Variants in PKNOX2 observed in about 807,000 individuals in gnomAD.
The protein encoded by PKNOX2 is homeobox protein PKNOX2.
A neutral mutation model predicts 53.1 loss-of-function variants in PKNOX2; 14 were observed. That is an observed-to-expected ratio of 0.26 (90% confidence interval 0.17 to 0.41). The LOEUF is 0.41. Among genes scored for constraint, PKNOX2 ranks in the 10% least tolerant of loss-of-function variants. The pLI is 1.00. For synonymous variants in PKNOX2, 257 were observed against 242.8 expected, an observed-to-expected ratio of 1.06 and a Z score of -0.54; for missense variants, 496 against 602.8, an observed-to-expected ratio of 0.82 and a Z score of 1.85.
chr11:125,202,965 A>G (rs7938677), intron 1 of PKNOX2, among the ~76,000 whole-genome samples: 34,112 of 152,086 alleles, frequency 0.22, 4,164 homozygotes, highest in African/African-American at 0.33. Flanking sequence ...TATGGCCCTC[A>G]GAATAGAATT....
chr11:125,277,949 G>A (rs1227843164), intron 2 of PKNOX2, among the ~76,000 whole-genome samples: 3 of 152,102 alleles, frequency 2.0e-5, no homozygotes, highest in Non-Finnish European at 4.4e-5. Context: ...GGGTGTAGTT[G>A]CTCATGCCTA....
chr11:125,212,070 C>T (rs1045659158), intron 1 of PKNOX2, among the ~76,000 whole-genome samples: 1 of 152,116 alleles, frequency 6.6e-6, no homozygotes, highest in Admixed American at 6.5e-5. Context: ...CTCCAGCCCT[C>T]GCAATCCTTT....
intron 2 of PKNOX2, among the ~76,000 whole-genome samples, chr11:125,309,086 C>T (rs912425344): frequency 3.3e-5 from 5 of 151,470 alleles, no homozygotes; most frequent in Non-Finnish European, 4.4e-5. Flanking sequence ...CACCAGTCTG[C>T]AGTCATCTTG....
chr11:125,314,290 C>T (rs1264031016), intron 2 of PKNOX2, among the ~76,000 whole-genome samples: 11 of 152,092 alleles, frequency 7.2e-5, no homozygotes, highest in Non-Finnish European at 1.0e-4. Context: ...GCCCTCACTG[C>T]GACATCACTT....
At chr11:125,296,077 A>G (rs1445720931) in intron 2 of PKNOX2, among the ~76,000 whole-genome samples, 2 of 152,016 alleles carry the variant, frequency 1.3e-5, no homozygotes, top group African/African-American at 4.8e-5. Flanking sequence ...CGCCAGACTC[A>G]GCTTATTTCC....
intron 2 of PKNOX2, among the ~76,000 whole-genome samples, chr11:125,243,105 T>C (rs888968978): frequency 2.6e-5 from 4 of 152,254 alleles, no homozygotes; most frequent in African/African-American, 9.6e-5. Context: ...TATAAAGCAC[T>C]GCACAAATAT....
chr11:125,241,862 C>T (rs1368963508), intron 2 of PKNOX2, among the ~76,000 whole-genome samples: 1 of 151,902 alleles, frequency 6.6e-6, no homozygotes, highest in South Asian at 2.1e-4. Context: ...CAAAAAACAA[C>T]AACAAAACAA....
chr11:125,253,569 C>T lies in PKNOX2; in HGVS notation c.-130+18454C>T, dbSNP rs76675657. Among the ~76,000 whole-genome samples the T allele has an allele frequency of 0.011, 1,726 of 152,240 alleles. 181 individuals are homozygous for T. In the East Asian group the frequency reaches 0.23, roughly 21 times the overall value. On this transcript the variant is annotated intron_variant, in intron 2 of 12. Coordinates refer to ENST00000298282, the MANE Select transcript of PKNOX2 (RefSeq NM_001382323.2). ...CTAGGACTTCCTTCCTCCCTGGTTC[C>T]CAGACTTCATACATTTCTCAGTGAT...
intron 7 of PKNOX2, among the ~76,000 whole-genome samples, chr11:125,408,980 G>A (rs777998308): frequency 1.8e-4 from 28 of 152,034 alleles, no homozygotes; most frequent in Non-Finnish European, 3.8e-4. Flanking sequence ...TGCAGTTCAC[G>A]CCTTACGATT....
At chr11:125,266,347 C>T (rs899471710) in intron 2 of PKNOX2, among the ~76,000 whole-genome samples, 1 of 152,140 alleles carries the variant, frequency 6.6e-6, no homozygotes, top group Non-Finnish European at 1.5e-5. Flanking sequence ...CAAGAAGATG[C>T]CTCTGAGATG....
intron 5 of PKNOX2, among the ~76,000 whole-genome samples, chr11:125,372,544 G>C (rs939332925): frequency 6.6e-6 from 1 of 152,154 alleles, no homozygotes; most frequent in Non-Finnish European, 1.5e-5. Flanking sequence ...CACCTGGTGT[G>C]GATAGGTGTT....
chr11:125,184,764 T>G (rs2135298118), intron 1 of PKNOX2, among the ~76,000 whole-genome samples: 1 of 152,332 alleles, frequency 6.6e-6, no homozygotes, highest in South Asian at 2.1e-4. Context: ...GGAGGCTGGC[T>G]AGGCTGGCAT....
Position 125,351,372 on chromosome 11 carries a change from C to A in PKNOX2, c.67C>A (p.Pro23Thr). ...MMATQNVPPP[P>T]YQDSPQMTAT... ...GGCCACGCAGAATGTCCCGCCCCCA[C>A]CCTACCAGGACAGCCCACAGGTGAG... The change falls in exon 4 of 13, where the codon CCC (proline) becomes ACC (threonine). Residue 23 changes from proline to threonine, a missense_variant. By Grantham distance (38) the Pro-to-Thr change is conservative. Coordinates refer to ENST00000298282, the MANE Select transcript of PKNOX2 (RefSeq NM_001382323.2). 2 of 1,604,040 alleles carry A rather than the reference C, an allele frequency of 1.2e-6. No individual in the cohort carries two copies. The highest frequency in any genetic ancestry group is 2.7e-5 in the African/African-American group (2 of 74,890).
At chr11:125,213,176 T>C (rs1291468226) in intron 1 of PKNOX2, among the ~76,000 whole-genome samples, 1 of 152,102 alleles carries the variant, frequency 6.6e-6, no homozygotes, top group African/African-American at 2.4e-5. Flanking sequence ...TATCATCCTT[T>C]GTGGCGTCCC....
At chr11:125,305,435 C>T (rs552367138) in intron 2 of PKNOX2, among the ~76,000 whole-genome samples, 2 of 152,322 alleles carry the variant, frequency 1.3e-5, no homozygotes, top group South Asian at 2.1e-4. Context: ...TCCCTGAACC[C>T]CTTCATGCTT....
chr11:125,286,860 G>A (rs1368237003), intron 2 of PKNOX2, among the ~76,000 whole-genome samples: 1 of 152,244 alleles, frequency 6.6e-6, no homozygotes, highest in African/African-American at 2.4e-5. Context: ...GTCAGAATGT[G>A]CAGGGAAGAA....
chr11:125,197,512 G>C (rs1937862149), intron 1 of PKNOX2, among the ~76,000 whole-genome samples: 1 of 152,182 alleles, frequency 6.6e-6, no homozygotes, highest in Non-Finnish European at 1.5e-5. Flanking sequence ...CTGCCTAAGA[G>C]AGGCTCTGCC....
At chr11:125,315,164 C>G (rs1472226299) in intron 2 of PKNOX2, among the ~76,000 whole-genome samples, 2 of 152,096 alleles carry the variant, frequency 1.3e-5, no homozygotes, top group African/African-American at 4.8e-5. Flanking sequence ...CACAGCATCC[C>G]CCTCTCCCCA....
At chr11:125,351,215 G>A (rs1565503630) in intron 3 of PKNOX2, 69 bp from the exon 4 acceptor site, 3 of 757,060 alleles carry the variant, frequency 4.0e-6, no homozygotes, top group Non-Finnish European at 2.4e-6. Flanking sequence ...GACACAGGGA[G>A]CTGCTGGGTG....
Sources: gnomAD v4.1 joint callset for allele counts (sites outside exome capture counted in the v4.1 genomes callset) on GRCh38, gnomAD v4.1.1 for gene constraint, MANE v1.5 for transcripts, NCBI Gene and HGNC (gene_info 2026-07-23, HGNC 2026-07-21) for gene names.